The following CAMTA1 variants were observed in gnomAD, a reference collection of about 807,000 sequenced individuals.
CAMTA1 encodes the protein calmodulin-binding transcription activator 1.
In CAMTA1, 27 loss-of-function variants were observed where a neutral mutation model predicts 170.9. That is an observed-to-expected ratio of 0.16 (90% confidence interval 0.12 to 0.22). The LOEUF (loss-of-function observed/expected upper bound fraction) is 0.22, where lower values mean the gene tolerates loss of function less well. CAMTA1 is among the 10% of genes least tolerant of loss of function. The probability of loss-of-function intolerance (pLI) is 1.00; values close to 1 mark genes in which losing one functional copy is unlikely to be tolerated. For synonymous variants in CAMTA1, 833 were observed against 891.5 expected (o/e 0.93, Z 1.17); for missense variants, 1,619 against 2,217.2 (o/e 0.73, Z 5.42).
At chr1:7,072,993 C>G (rs1463860686) in intron 3 of CAMTA1, among the ~76,000 whole-genome samples, 2 of 152,082 alleles carry the variant, frequency 1.3e-5, no homozygotes, top group Admixed American at 6.5e-5. Context: ...TGTGAAGAAG[C>G]AAGAGTGTAG....
intron 4 of CAMTA1, among the ~76,000 whole-genome samples, chr1:7,103,997 T>G (rs919217660): frequency 2.1e-4 from 31 of 145,742 alleles, no homozygotes; most frequent in Non-Finnish European, 3.6e-4. Flanking sequence ...AGTACACACA[T>G]GAACACAACA....
At chr1:7,572,084 G>T (rs767446747) in intron 6 of CAMTA1, among the ~76,000 whole-genome samples, 1 of 152,176 alleles carries the variant, frequency 6.6e-6, no homozygotes, top group South Asian at 2.1e-4. Context: ...TTTCTCTAAT[G>T]ATTAGTGATG....
intron 4 of CAMTA1, among the ~76,000 whole-genome samples, chr1:7,147,530 C>G (rs1397139047): frequency 2.0e-5 from 3 of 150,606 alleles, no homozygotes; most frequent in Non-Finnish European, 3.0e-5. Context: ...CTCACACACT[C>G]AAACATACAC....
intron 4 of CAMTA1, among the ~76,000 whole-genome samples, chr1:7,200,318 C>G (rs1012086444): frequency 6.6e-6 from 1 of 152,214 alleles, no homozygotes; most frequent in African/African-American, 2.4e-5. Flanking sequence ...ATAACCACGT[C>G]TTATACATAA....
At chr1:7,573,835 G>A (rs934507282) in intron 6 of CAMTA1, among the ~76,000 whole-genome samples, 2 of 152,074 alleles carry the variant, frequency 1.3e-5, no homozygotes, top group Non-Finnish European at 1.5e-5. Context: ...GTGCAGTGGC[G>A]CCATCTTGGC....
intron 3 of CAMTA1, among the ~76,000 whole-genome samples, chr1:7,001,630 G>A (rs769988277): frequency 7.2e-5 from 11 of 152,134 alleles, no homozygotes; most frequent in Admixed American, 2.6e-4. Context: ...CACATGTCCC[G>A]GATTTCACGT....
At chr1:7,689,798 TC>T (rs2096290868) in intron 11 of CAMTA1, among the ~76,000 whole-genome samples, 1 of 152,046 alleles carries the variant, frequency 6.6e-6, no homozygotes, top group African/African-American at 2.4e-5. Context: ...TCTGTCTGCC[TC>T]CCCTTCTCCA....
At chr1:7,601,180 C>T (rs1256823628) in intron 6 of CAMTA1, among the ~76,000 whole-genome samples, 4 of 120,398 alleles carry the variant, frequency 3.3e-5, no homozygotes, top group Admixed American at 8.1e-5. Flanking sequence ...ACCTCCCTCC[C>T]GGACGGGGTG....
At chr1:6,829,511 A>T (rs1648825174) in intron 3 of CAMTA1, among the ~76,000 whole-genome samples, 1 of 152,228 alleles carries the variant, frequency 6.6e-6, no homozygotes, top group Non-Finnish European at 1.5e-5. Flanking sequence ...ACAAGGAGTG[A>T]AGGTGATGAT....
chr1:6,786,500 C>T (rs1639421391), intron 1 of CAMTA1, among the ~76,000 whole-genome samples: 1 of 152,176 alleles, frequency 6.6e-6, no homozygotes, highest in African/African-American at 2.4e-5. Context: ...TCCGTTGACC[C>T]TTTTTGCCAG....
chr1:7,622,201 C>G (rs1416778198), intron 6 of CAMTA1, among the ~76,000 whole-genome samples: 1 of 152,214 alleles, frequency 6.6e-6, no homozygotes, highest in Non-Finnish European at 1.5e-5. Flanking sequence ...CATTACACTT[C>G]CCTTAATCCT....
At chr1:6,864,889 G>C (rs1666053770) in intron 3 of CAMTA1, among the ~76,000 whole-genome samples, 1 of 152,252 alleles carries the variant, frequency 6.6e-6, no homozygotes, top group African/African-American at 2.4e-5. Context: ...GCATGTCACT[G>C]TGTGTCCCTG....
intron 3 of CAMTA1, among the ~76,000 whole-genome samples, chr1:6,976,364 G>T (rs947744174): frequency 4.6e-5 from 7 of 152,184 alleles, no homozygotes; most frequent in African/African-American, 1.7e-4. Context: ...GGCCTGGGGT[G>T]AGGATTGTGT....
intron 18 of CAMTA1, 101 bp from the exon 19 acceptor site, chr1:7,747,609 T>A (rs2096866020): frequency 1.5e-6 from 1 of 667,306 alleles, no homozygotes; most frequent in Admixed American, 3.4e-5. Context: ...AAACCTGGGA[T>A]CTCAACTCTG....
chr1:7,617,872 G>C (rs1424937891), intron 6 of CAMTA1, among the ~76,000 whole-genome samples: 1 of 152,092 alleles, frequency 6.6e-6, no homozygotes, highest in Admixed American at 6.5e-5. Flanking sequence ...CTCTAAGGTG[G>C]GGCTGATCAC....
Position 7,192,332 on chromosome 1 carries a change from G to A in CAMTA1, c.303-57159G>A, listed in dbSNP as rs911806853. 3.3e-5 allele frequency among the ~76,000 whole-genome samples: 5 copies of A among 152,240 alleles called. No homozygotes were observed. In the East Asian group the frequency reaches 7.7e-4, roughly 23 times the overall value. ...GTCTGACCTGGCTGAAAGCCATGAC[G>A]CTTGGCCTTTGGTTGGGATAGCACC... On this transcript the variant is annotated intron_variant, in intron 4 of 22. Transcript: ENST00000303635.
In CAMTA1 at chr1:7,398,450, A is replaced by G. The variant is rs145505374; in HGVS notation, c.439-69380A>G. Among the ~76,000 whole-genome samples, 31 of 151,782 alleles carry G rather than the reference A, an allele frequency of 2.0e-4. 1 individual carries two copies. In the East Asian group the frequency reaches 5.8e-3, roughly 28 times the overall value. On this transcript the variant is annotated intron_variant, in intron 5 of 22. Transcript: ENST00000303635. ...GCATGGAATATCATTTTCCATCTGCATGGAATATCATTTTCCATCCCTTTA... is the reference window on the plus strand; with the variant it reads ...GCATGGAATATCATTTTCCATCTGCGTGGAATATCATTTTCCATCCCTTTA...
In CAMTA1 at chr1:6,806,972, A is replaced by G. The variant is rs750194474; in HGVS notation, c.46-13209A>G. 185 of 558,518 alleles carry G rather than the reference A, an allele frequency of 3.3e-4. 1 individual carries two copies. Among genetic ancestry groups the G allele is most frequent in the South Asian group, 8.3e-4 (37 of 44,326 alleles). The allele number at this position is 558,518 out of a possible 1,614,324, so 34.6% of individuals were successfully genotyped here. A position where few individuals can be genotyped will look rare whatever the true frequency, so the allele number is the denominator to read the frequency against. ...TTACTCAACAAATAACAAAGTGCCT[A>G]TCTGTGCCAGGCACAAGGAAGGACA... On this transcript the variant is annotated intron_variant, in intron 1 of 22. Transcript: ENST00000303635.
chr1:7,474,536 C>G (rs1244489686), intron 6 of CAMTA1, among the ~76,000 whole-genome samples: 4 of 152,248 alleles, frequency 2.6e-5, no homozygotes, highest in Admixed American at 2.6e-4. Flanking sequence ...TGTAAGTGGA[C>G]ATCCTGAATC....
Sources: gnomAD v4.1 joint callset for allele counts (sites outside exome capture counted in the v4.1 genomes callset) on GRCh38, gnomAD v4.1.1 for gene constraint, MANE v1.5 for transcripts, NCBI Gene and HGNC (gene_info 2026-07-23, HGNC 2026-07-21) for gene names.